GRID1: variants seen among roughly 807,000 people sequenced by gnomAD.
GRID1 encodes glutamate receptor ionotropic, delta-1.
A neutral mutation model predicts 98.0 loss-of-function variants in GRID1; 28 were observed. That is an observed-to-expected ratio of 0.29 (90% CI 0.21 to 0.39). GRID1 has a LOEUF of 0.39. Among genes scored for constraint, GRID1 ranks in the 10% least tolerant of loss-of-function variants. GRID1 has a pLI of 1.00. For missense variants in GRID1, 1,111 were observed against 1,340.5 expected (o/e 0.83, Z 2.67); for synonymous variants, 553 against 538.5 (o/e 1.03, Z -0.37).
chr10:85,835,069 A>T (rs1842901192), intron 8 of GRID1, among the ~76,000 whole-genome samples: 2 of 152,224 alleles, frequency 1.3e-5, no homozygotes, highest in Non-Finnish European at 2.9e-5. Context: ...AAATAAAATC[A>T]ACAGAGATAA....
At chr10:85,715,176 TA>T (rs1157780717) in intron 12 of GRID1, among the ~76,000 whole-genome samples, 3 of 152,248 alleles carry the variant, frequency 2.0e-5, no homozygotes, top group Admixed American at 2.0e-4. Flanking sequence ...AGAAACTGAA[TA>T]TCTGCACACA....
intron 8 of GRID1, among the ~76,000 whole-genome samples, chr10:85,820,710 C>T (rs928655908): frequency 5.3e-5 from 8 of 152,096 alleles, no homozygotes; most frequent in African/African-American, 1.7e-4. Context: ...CAAGATACCA[C>T]TATTATACCA....
chr10:85,809,879 C>G (rs932874039), intron 8 of GRID1, among the ~76,000 whole-genome samples: 1 of 152,162 alleles, frequency 6.6e-6, no homozygotes, highest in African/African-American at 2.4e-5. Flanking sequence ...CTATAGCCCC[C>G]CTGTAGTCTT....
At chr10:86,235,388 A>C (rs1025892795) in intron 2 of GRID1, among the ~76,000 whole-genome samples, 1 of 152,226 alleles carries the variant, frequency 6.6e-6, no homozygotes, top group African/African-American at 2.4e-5. Flanking sequence ...GATCATTTTA[A>C]ACAGCTTTAT....
chr10:86,141,338 G>A (rs1023726576), intron 3 of GRID1, among the ~76,000 whole-genome samples: 2 of 152,192 alleles, frequency 1.3e-5, no homozygotes, highest in Admixed American at 6.5e-5. Flanking sequence ...AAGAAAAGGT[G>A]AAGAAGATAA....
chr10:86,123,282 T>C (rs1437450789), intron 4 of GRID1, among the ~76,000 whole-genome samples: 1 of 152,198 alleles, frequency 6.6e-6, no homozygotes, highest in Non-Finnish European at 1.5e-5. Flanking sequence ...GGCCATAGCC[T>C]GGAACCTACC....
At chr10:85,650,314 T>A (rs893735621) in intron 12 of GRID1, 6 of 152,298 alleles carry the variant, frequency 3.9e-5, no homozygotes, top group South Asian at 2.1e-4. Flanking sequence ...ATCAGCACAC[T>A]CAATTTAGAA....
chr10:85,807,784 T>C (rs1160406033), intron 8 of GRID1, among the ~76,000 whole-genome samples: 1 of 152,140 alleles, frequency 6.6e-6, no homozygotes, highest in African/African-American at 2.4e-5. Flanking sequence ...GGAAGTATAA[T>C]TAATATAACC....
intron 2 of GRID1, among the ~76,000 whole-genome samples, chr10:86,285,652 G>A (rs780304953): frequency 4.1e-4 from 63 of 152,306 alleles, no homozygotes; most frequent in Non-Finnish European, 8.1e-4. Context: ...TCTGAGATAT[G>A]TACCGGAGAT....
intron 8 of GRID1, among the ~76,000 whole-genome samples, chr10:85,773,839 G>T (rs1842299902): frequency 6.6e-6 from 1 of 152,152 alleles, no homozygotes; most frequent in African/African-American, 2.4e-5. Flanking sequence ...ACAAAGAAAT[G>T]GAAGAACATT....
intron 4 of GRID1, among the ~76,000 whole-genome samples, chr10:85,968,971 A>G (rs916553791): frequency 5.3e-5 from 8 of 152,230 alleles, no homozygotes; most frequent in Admixed American, 3.9e-4. Flanking sequence ...TCAAAGATAT[A>G]ATAGGTTGAA....
intron 5 of GRID1, among the ~76,000 whole-genome samples, chr10:85,903,732 C>T (rs1386422371): frequency 6.6e-6 from 1 of 152,210 alleles, no homozygotes; most frequent in East Asian, 1.9e-4. Context: ...CCATCACTCA[C>T]TCTGCTCCAG....
At chr10:86,316,163 C>T (rs1440526278) in intron 2 of GRID1, among the ~76,000 whole-genome samples, 1 of 152,212 alleles carries the variant, frequency 6.6e-6, no homozygotes. Context: ...GACCTCCACT[C>T]GACCAACACT....
At chr10:86,342,656 T>G (rs1309771973) in intron 2 of GRID1, among the ~76,000 whole-genome samples, 1 of 152,124 alleles carries the variant, frequency 6.6e-6, no homozygotes, top group African/African-American at 2.4e-5. Flanking sequence ...GCTGGGCCCA[T>G]CCTCCAGGAA....
intron 2 of GRID1, among the ~76,000 whole-genome samples, chr10:86,305,461 T>TA (rs1847746719): frequency 1.3e-5 from 2 of 152,246 alleles, no homozygotes; most frequent in Non-Finnish European, 2.9e-5. Context: ...AAAGAGTTGT[T>TA]ACTGCATAAC....
At chr10:86,278,193 A>C (rs1847301121) in intron 2 of GRID1, among the ~76,000 whole-genome samples, 2 of 152,150 alleles carry the variant, frequency 1.3e-5, no homozygotes, top group African/African-American at 2.4e-5. Context: ...AAGTAGCTCA[A>C]AAGTGAAAGG....
At chr10:85,624,603 T>A (rs1479021865) in intron 13 of GRID1, among the ~76,000 whole-genome samples, 1 of 152,234 alleles carries the variant, frequency 6.6e-6, no homozygotes, top group Non-Finnish European at 1.5e-5. Flanking sequence ...GTCTGAAAAC[T>A]AATATGTGTA....
At chr10:85,710,088 A>G (rs1355474236) in intron 12 of GRID1, among the ~76,000 whole-genome samples, 2 of 152,196 alleles carry the variant, frequency 1.3e-5, no homozygotes, top group East Asian at 3.8e-4. Flanking sequence ...AATCTCTAAC[A>G]AAATTCCAAT....
intron 2 of GRID1, among the ~76,000 whole-genome samples, chr10:86,327,439 C>T (rs375292249): frequency 6.6e-6 from 1 of 152,186 alleles, no homozygotes. Context: ...AAAAGCAGAG[C>T]AAACCCACAT....
Sources: allele counts gnomAD v4.1 joint callset (sites outside exome capture counted in the v4.1 genomes callset), GRCh38; gene constraint gnomAD v4.1.1; transcripts MANE v1.5; gene names NCBI Gene and HGNC (gene_info 2026-07-23, HGNC 2026-07-21).